The following NFX1 variants were observed in gnomAD, a reference collection of about 807,000 sequenced individuals.
NFX1 encodes the protein nuclear transcription factor, X-box binding 1.
Under a neutral mutation model 137.2 loss-of-function variants are expected in NFX1, and 69 were observed. The observed-to-expected ratio is 0.50, with a 90% CI of 0.41 to 0.61. NFX1 has a LOEUF of 0.61. NFX1 is among the 20% of genes least tolerant of loss of function. The pLI, the probability that NFX1 is intolerant of heterozygous loss-of-function variation, is 0.00. For missense variants in NFX1, 1,167 were observed against 1,391.0 expected, an observed-to-expected ratio of 0.84 and a Z score of 2.56; for synonymous variants, 495 against 474.1, an observed-to-expected ratio of 1.04 and a Z score of -0.57.
chr9:33,321,110 C>T (rs12115762), intron 9 of NFX1, among the ~76,000 whole-genome samples: 7,016 of 152,158 alleles, frequency 0.046, 474 homozygotes, highest in African/African-American at 0.15. Flanking sequence ...ATAAGAATTT[C>T]ACATATAATG....
intron 10 of NFX1, among the ~76,000 whole-genome samples, chr9:33,328,962 CT>C (rs1254044199): frequency 1.3e-5 from 2 of 152,194 alleles, no homozygotes; most frequent in Non-Finnish European, 2.9e-5. Flanking sequence ...GTGGCACCAA[CT>C]TTTGATACCA....
intron 5 of NFX1, among the ~76,000 whole-genome samples, chr9:33,308,856 C>T (rs1399983919): frequency 6.6e-6 from 1 of 151,936 alleles, no homozygotes; most frequent in African/African-American, 2.4e-5. Context: ...TAATATTGGA[C>T]CAGGGCCTTG....
intron 21 of NFX1, 133 bp downstream of exon 21, chr9:33,364,907 T>G: frequency 1.4e-6 from 2 of 1,477,256 alleles, no homozygotes. Context: ...TGAGGATCCT[T>G]ATCTTTCTCA....
chr9:33,324,928 C>CA (rs1269732305), intron 9 of NFX1, among the ~76,000 whole-genome samples: 7,663 of 70,536 alleles, frequency 0.11, 667 homozygotes, highest in African/African-American at 0.3. Context: ...GATTCCATCT[C>CA]AAAAAAAAAA....
intron 9 of NFX1, 75 bp downstream of exon 9, chr9:33,319,202 T>A: frequency 8.2e-7 from 1 of 1,221,694 alleles, no homozygotes; most frequent in Non-Finnish European, 1.2e-6. Context: ...TTAAGCAATG[T>A]AGAAGTAAGT....
At chr9:33,335,167 G>A (rs1822951505) in intron 11 of NFX1, among the ~76,000 whole-genome samples, 1 of 149,018 alleles carries the variant, frequency 6.7e-6, no homozygotes, top group African/African-American at 2.5e-5. Flanking sequence ...TCACAATCTA[G>A]TTCCAAAATA....
At chr9:33,364,579 C>G (rs1276631849) in intron 20 of NFX1, 129 bp from the exon 21 acceptor site, 21 of 1,054,368 alleles carry the variant, frequency 2.0e-5, no homozygotes, top group Non-Finnish European at 2.8e-5. Flanking sequence ...TGTTTTCTGA[C>G]AATTCCTGAT....
At chr9:33,310,900 CTG>C (rs1821937744) in intron 5 of NFX1, among the ~76,000 whole-genome samples, 2 of 152,194 alleles carry the variant, frequency 1.3e-5, no homozygotes, top group Non-Finnish European at 2.9e-5. Context: ...GTTAAATAGT[CTG>C]TGGTGATAAT....
At chr9:33,315,950 G>C (rs994127592) in intron 7 of NFX1, among the ~76,000 whole-genome samples, 1 of 151,602 alleles carries the variant, frequency 6.6e-6, no homozygotes, top group Non-Finnish European at 1.5e-5. Context: ...TGGGATCCAC[G>C]AAAACCAGTA....
rs369224470 is a variant in NFX1, at chr9:33,290,524, G to A, written c.-49G>A. 1 of 1,609,428 alleles carries A rather than the reference G, an allele frequency of 6.2e-7. No homozygotes were observed. Among genetic ancestry groups the A allele is most frequent in the Non-Finnish European group, 8.5e-7 (1 of 1,175,928 alleles). ...GGAAGTCCGGGGCACGTGACCTGGT[G>A]ACAGTGCTGACTTGGCTGTACAGCT... On this transcript the variant is annotated 5_prime_UTR_variant, in exon 1 of 24. Transcript: ENST00000379540.
intron 5 of NFX1, among the ~76,000 whole-genome samples, chr9:33,308,837 G>A (rs912562377): frequency 6.6e-6 from 1 of 152,048 alleles, no homozygotes; most frequent in African/African-American, 2.4e-5. Context: ...CTACTGCTTG[G>A]AGGAGGGATA....
chr9:33,292,824 G>T lies in NFX1; in HGVS notation c.26-1596G>T, dbSNP rs77172042. On this transcript the variant is annotated intron_variant, in intron 1 of 23. Transcript: ENST00000379540. Reference sequence around the variant, plus strand: ...AGACATCTTTACTGATCTTATTTCTGCCCCTCTTTCCAGTCTCGCTTTTTC... The same window carrying T: ...AGACATCTTTACTGATCTTATTTCTTCCCCTCTTTCCAGTCTCGCTTTTTC... Among the ~76,000 whole-genome samples, 90 of 152,148 alleles carry T rather than the reference G, an allele frequency of 5.9e-4. No homozygotes were observed. In the Middle Eastern group the frequency reaches 0.034, roughly 58 times the overall value.
At chr9:33,365,072 T>C (rs886874884) in intron 21 of NFX1, 4 of 890,726 alleles carry the variant, frequency 4.5e-6, no homozygotes, top group East Asian at 6.3e-5. Flanking sequence ...TCAGGAGTTC[T>C]AGATCAGCTT....
chr9:33,367,466 C>T, intron 22 of NFX1, 49 bp from the exon 23 acceptor site: 3 of 1,590,070 alleles, frequency 1.9e-6, no homozygotes, highest in Non-Finnish European at 2.6e-6. Flanking sequence ...CTGTCCATCT[C>T]CACAAACAAT....
Position 33,318,792 on chromosome 9 carries a change from T to C in NFX1, c.1650T>C (p.Asp550=). The change falls in exon 8 of 24, where the codon GAT becomes GAC. Residue 550 remains aspartate, a synonymous_variant. Transcript: ENST00000379540. Reference sequence around the variant, plus strand: ...GTGGAACCGATGTAGGAAAGTCTGATGGATTTGGGGATTTCAGCTGTTTAA... The same window carrying C: ...GTGGAACCGATGTAGGAAAGTCTGACGGATTTGGGGATTTCAGCTGTTTAA... ...VLCGTDVGKS[D]GFGDFSCLKI... The C allele has an allele frequency of 6.2e-7, 1 of 1,614,216 alleles. No homozygotes were observed. The highest frequency in any genetic ancestry group is 8.5e-7 in the Non-Finnish European group (1 of 1,180,042).
intron 23 of NFX1, among the ~76,000 whole-genome samples, chr9:33,368,299 C>T (rs541732891): frequency 3.6e-4 from 55 of 151,810 alleles, no homozygotes; most frequent in South Asian, 2.3e-3. Context: ...TTGCCGGTGA[C>T]GGGGGTGGAT....
intron 3 of NFX1, 88 bp downstream of exon 3, chr9:33,301,509 A>ATTTCTC: frequency 7.1e-7 from 1 of 1,409,476 alleles, no homozygotes; most frequent in Non-Finnish European, 9.6e-7. Flanking sequence ...ATACAGTTTA[A>ATTTCTC]TTTCTCTTAA....
chr9:33,294,294 TCTTA>T, intron 1 of NFX1, 122 bp from the exon 2 acceptor site: 3 of 864,692 alleles, frequency 3.5e-6, no homozygotes, highest in Non-Finnish European at 5.3e-6. Context: ...GAAACATAGT[TCTTA>T]CTTAACAGCA....
At position 33,295,176 on chromosome 9, in the gene NFX1, C is replaced by T; in HGVS notation, c.782C>T (p.Pro261Leu). The T allele has an allele frequency of 6.2e-7, 1 of 1,614,054 alleles. No homozygotes were observed. Among genetic ancestry groups the T allele is most frequent in the East Asian group, 2.2e-5 (1 of 44,870 alleles). The change falls in exon 2 of 24, where the codon CCA becomes CTA. Residue 261 changes from proline (P) to leucine (L), a missense_variant. Physicochemically the swap from Pro to Leu is moderately conservative, Grantham distance 98 (BLOSUM62 -3). Around this residue, in one of 3 missense-constraint regions of NFX1, gnomAD observed 367 missense variants for 386.7 expected, o/e 0.95. Transcript: ENST00000379540. ...EGARPRPGRN[P>L]PKQEGHRHTN... ...GCCAGGCCACGACCAGGCAGAAATC[C>T]ACCAAAACAGGAGGGCCACCGACAT...
Sources: gnomAD v4.1 joint callset for allele counts (sites outside exome capture counted in the v4.1 genomes callset) on GRCh38, gnomAD v4.1.1 for gene constraint, gnomAD v4.1.1 regional missense constraint, MANE v1.5 for transcripts, NCBI Gene and HGNC (gene_info 2026-07-23, HGNC 2026-07-21) for gene names.